The following TOPAZ1 variants were observed in gnomAD, a reference collection of about 807,000 sequenced individuals.
TOPAZ1 encodes the protein protein TOPAZ1.
A neutral mutation model predicts 172.2 loss-of-function variants in TOPAZ1; 66 were observed. The observed-to-expected ratio is 0.38, with a 90% CI of 0.31 to 0.47. The LOEUF (loss-of-function observed/expected upper bound fraction) is 0.47, where lower values mean the gene tolerates loss of function less well. Ranked by LOEUF, TOPAZ1 falls within the 20% of genes least tolerant of loss-of-function variation. The pLI is 0.99. For synonymous variants in TOPAZ1, 681 were observed against 683.9 expected (o/e 1.00, Z 0.07); for missense variants, 1,822 against 1,972.4 (o/e 0.92, Z 1.44).
chr3:44,251,895 G>C (rs1699636581), intron 2 of TOPAZ1, among the ~76,000 whole-genome samples: 1 of 151,864 alleles, frequency 6.6e-6, no homozygotes, highest in Non-Finnish European at 1.5e-5. Flanking sequence ...ATTCAGAACT[G>C]TGACTACACT....
chr3:44,317,124 T>C (rs1700459115), intron 16 of TOPAZ1, among the ~76,000 whole-genome samples: 1 of 152,220 alleles, frequency 6.6e-6, no homozygotes, highest in Non-Finnish European at 1.5e-5. Context: ...TGGGATTATA[T>C]CAAATGTATA....
At chr3:44,331,721 A>G in intron 19 of TOPAZ1, 71 bp from the exon 20 acceptor site, 1 of 1,183,758 alleles carries the variant, frequency 8.4e-7, no homozygotes, top group Non-Finnish European at 1.2e-6. Context: ...GTAAATGTAA[A>G]TGACTATCTT....
intron 4 of TOPAZ1, among the ~76,000 whole-genome samples, chr3:44,257,352 G>GGGGGGGTGTGTGT (rs1264696203): frequency 9.1e-6 from 1 of 110,386 alleles, no homozygotes; most frequent in African/African-American, 3.9e-5. Context: ...AAAACATAGG[G>GGGGGGGTGTGTGT]GTGTGTGTGT....
At chr3:44,281,780 A>G (rs965076123) in intron 8 of TOPAZ1, among the ~76,000 whole-genome samples, 188 bp from the exon 9 acceptor site, 2 of 152,360 alleles carry the variant, frequency 1.3e-5, no homozygotes, top group Middle Eastern at 3.4e-3. Flanking sequence ...AAAAAATAAC[A>G]TAAGATTTTT....
intron 12 of TOPAZ1, among the ~76,000 whole-genome samples, chr3:44,300,594 AT>A (rs956703940): frequency 1.5e-4 from 23 of 151,844 alleles, no homozygotes; most frequent in Admixed American, 3.3e-4. Context: ...GAATAACAGA[AT>A]TTTTTTTTAA....
chr3:44,298,699 G>T (rs1425531929), intron 12 of TOPAZ1, among the ~76,000 whole-genome samples: 4 of 150,000 alleles, frequency 2.7e-5, no homozygotes, highest in South Asian at 2.1e-4. Flanking sequence ...TGGAGCAATT[G>T]AACAGCCATA....
Position 44,324,225 on chromosome 3 carries a change from T to G in TOPAZ1, c.4675+930T>G, listed in dbSNP as rs547728688. On this transcript the variant is annotated intron_variant, in intron 18 of 19. Coordinates refer to ENST00000309765, the MANE Select transcript of TOPAZ1 (RefSeq NM_001145030.2). ...ATATGCACGTATGTATACTGGGTCA[T>G]TATGCAAAATGTGTTTCTTGTAGGT... Among the ~76,000 whole-genome samples the G allele has an allele frequency of 1.1e-4, 16 of 152,344 alleles. No homozygotes were observed. In the South Asian group the frequency reaches 3.3e-3, roughly 32 times the overall value.
chr3:44,266,897 A>G, intron 5 of TOPAZ1, 100 bp from the exon 6 acceptor site: 1 of 922,904 alleles, frequency 1.1e-6, no homozygotes, highest in Non-Finnish European at 1.5e-6. Context: ...AAATAAAAAT[A>G]AAAAATTTTT....
intron 7 of TOPAZ1, among the ~76,000 whole-genome samples, 170 bp downstream of exon 7, chr3:44,269,471 CTTTTTTTTTTTTTTTTTTTT>C (rs71085612): frequency 2.9e-5 from 1 of 33,916 alleles, no homozygotes; most frequent in African/African-American, 1.6e-4. Flanking sequence ...TCCCTATCAT[CTTTTTTTTTTTTTTTTTTTT>C]TTTTTTTTTT....
At chr3:44,316,676 T>A (rs1193258705) in intron 16 of TOPAZ1, among the ~76,000 whole-genome samples, 7 of 152,196 alleles carry the variant, frequency 4.6e-5, no homozygotes, top group Admixed American at 1.3e-4. Context: ...TGTATCATGC[T>A]TTTAGGCAGT....
intron 16 of TOPAZ1, among the ~76,000 whole-genome samples, chr3:44,313,328 C>T (rs372581596): frequency 1.3e-5 from 2 of 151,922 alleles, no homozygotes; most frequent in South Asian, 2.1e-4. Context: ...AAAGCTCCCC[C>T]GGGCCAGGTG....
chr3:44,313,868 CTA>C (rs1263201322), intron 16 of TOPAZ1, among the ~76,000 whole-genome samples: 7 of 152,054 alleles, frequency 4.6e-5, no homozygotes, highest in African/African-American at 1.7e-4. Context: ...TGTGAGGAGA[CTA>C]TAAAAGTCCT....
chr3:44,331,862 C>T lies in TOPAZ1; in HGVS notation c.4930C>T (p.Arg1644Cys), dbSNP rs934216234. 15 of 1,551,628 alleles carry T rather than the reference C, an allele frequency of 9.7e-6. No homozygotes were observed. The highest frequency in any genetic ancestry group is 1.4e-5 in the African/African-American group (1 of 73,032). Reference protein sequence around the residue: ...AAVERLIMAARISDPKLFVKH... With the variant: ...AAVERLIMAACISDPKLFVKH... Reference sequence around the variant, plus strand: ...AGTAGAAAGGTTAATTATGGCTGCTCGTATATCAGATCCAAAGCTTTTCGT... The same window carrying T: ...AGTAGAAAGGTTAATTATGGCTGCTTGTATATCAGATCCAAAGCTTTTCGT... The change falls in exon 20 of 20, where the codon CGT becomes TGT. Residue 1644 changes from arginine to cysteine, a missense_variant. Around this residue, in one of 2 missense-constraint regions of TOPAZ1, gnomAD observed 333 missense variants for 481.7 expected, o/e 0.69. Coordinates refer to ENST00000309765, the MANE Select transcript of TOPAZ1 (RefSeq NM_001145030.2).
chr3:44,256,450 T>C (rs1699704913), intron 4 of TOPAZ1, among the ~76,000 whole-genome samples, 172 bp downstream of exon 4: 1 of 152,216 alleles, frequency 6.6e-6, no homozygotes, highest in South Asian at 2.1e-4. Flanking sequence ...AAGCATAGTA[T>C]AAAAAAGATC....
chr3:44,290,171 G>T (rs1447848819), intron 11 of TOPAZ1, among the ~76,000 whole-genome samples: 3 of 152,202 alleles, frequency 2.0e-5, no homozygotes. Context: ...TAGAAGAGCT[G>T]TCAGAAAAGG....
intron 16 of TOPAZ1, among the ~76,000 whole-genome samples, chr3:44,315,613 C>G (rs1351491532): frequency 6.6e-6 from 1 of 150,674 alleles, no homozygotes; most frequent in Non-Finnish European, 1.5e-5. Flanking sequence ...CTCAGGTGAT[C>G]CGCCCACCTT....
Position 44,245,126 on chromosome 3 carries a change from T to C in TOPAZ1, c.2620T>C (p.Phe874Leu). ...TGTAATTCAAGATGACCCAGACCTC[T>C]TTGGAGTCTCCAATGAAGGGGAGCT... ...IDVIQDDPDL[F>L]GVSNEGELSF... The change falls in exon 2 of 20, where the codon TTT (phenylalanine) becomes CTT (leucine). Residue 874 changes from phenylalanine (F) to leucine (L), a missense_variant. By Grantham distance (22) the Phe-to-Leu change is conservative. Transcript: ENST00000309765. 6.4e-7 allele frequency: 1 copy of C among 1,552,048 alleles called. No individual in the cohort carries two copies. Among genetic ancestry groups the C allele is most frequent in the Non-Finnish European group, 8.7e-7 (1 of 1,147,054 alleles).
rs1010313678 is a variant in TOPAZ1, at chr3:44,244,071, C to A, written c.1565C>A (p.Ser522Tyr). Residue 522 changes from serine to tyrosine, a missense_variant, in exon 2 of 20, where the codon TCT (serine) becomes TAT (tyrosine). Physicochemically the swap from Ser to Tyr is moderately radical, Grantham distance 144. Transcript: ENST00000309765. ...GAATCAAGTTACTTTCTTCGTGGGTCTCAGGAAAGTTGTAGGCAAGTTGAT... is the reference window on the plus strand; with the variant it reads ...GAATCAAGTTACTTTCTTCGTGGGTATCAGGAAAGTTGTAGGCAAGTTGAT... ...LPESSYFLRG[S>Y]QESCRQVDVP... is the part of the protein sequence containing the mutation. 6.4e-7 allele frequency: 1 copy of A among 1,551,688 alleles called. No homozygotes were observed. Among genetic ancestry groups the A allele is most frequent in the African/African-American group, 1.4e-5 (1 of 73,142 alleles).
intron 16 of TOPAZ1, among the ~76,000 whole-genome samples, chr3:44,312,971 T>C (rs952317374): frequency 1.3e-5 from 2 of 152,218 alleles, no homozygotes; most frequent in Non-Finnish European, 2.9e-5. Flanking sequence ...TTAATGTTGT[T>C]ATACCGACAC....
Sources: allele counts gnomAD v4.1 joint callset (sites outside exome capture counted in the v4.1 genomes callset), GRCh38; gene constraint gnomAD v4.1.1; regional missense constraint gnomAD v4.1.1; transcripts MANE v1.5; gene names NCBI Gene and HGNC (gene_info 2026-07-23, HGNC 2026-07-21).